The following SLC26A7 variants were observed in gnomAD, a reference collection of about 807,000 sequenced individuals.
SLC26A7 encodes solute carrier family 26 member 7.
In SLC26A7, 59 loss-of-function variants were observed where a neutral mutation model predicts 82.5. The observed-to-expected ratio is 0.72, with a 90% CI of 0.58 to 0.89. The LOEUF is 0.89. Among genes scored for constraint, SLC26A7 ranks in the 40% least tolerant of loss-of-function variants. The pLI is 0.00. For missense variants in SLC26A7, 820 were observed against 793.0 expected, an observed-to-expected ratio of 1.03 and a Z score of -0.41; for synonymous variants, 271 against 274.3, an observed-to-expected ratio of 0.99 and a Z score of 0.12.
intron 2 of SLC26A7, among the ~76,000 whole-genome samples, chr8:91,236,321 C>T (rs943912528): frequency 6.6e-6 from 1 of 152,108 alleles, no homozygotes; most frequent in African/African-American, 2.4e-5. Context: ...CCAAAGTTTT[C>T]AGGGAATAAT....
At chr8:91,380,447 A>G (rs1814638082) in intron 15 of SLC26A7, among the ~76,000 whole-genome samples, 1 of 152,148 alleles carries the variant, frequency 6.6e-6, no homozygotes, top group African/African-American at 2.4e-5. Context: ...GCATTTAACC[A>G]TCAGAAAGCA....
At chr8:91,372,202 T>A (rs1377299249) in intron 15 of SLC26A7, among the ~76,000 whole-genome samples, 2 of 151,992 alleles carry the variant, frequency 1.3e-5, no homozygotes, top group Non-Finnish European at 2.9e-5. Context: ...AATCTGTTGG[T>A]TGTTTCTTTT....
chr8:91,216,730 T>C (rs955192812), intron 1 of SLC26A7, among the ~76,000 whole-genome samples: 5 of 152,148 alleles, frequency 3.3e-5, no homozygotes, highest in African/African-American at 9.7e-5. Context: ...AGTTAGGGAA[T>C]CAATATTATA....
chr8:91,209,986 C>T (rs553515438), intron 1 of SLC26A7, among the ~76,000 whole-genome samples: 13 of 152,248 alleles, frequency 8.5e-5, no homozygotes, highest in African/African-American at 3.1e-4. Context: ...GCAGTTCATG[C>T]TATTGAGGAG....
intron 2 of SLC26A7, among the ~76,000 whole-genome samples, chr8:91,263,219 A>G (rs1811015201): frequency 6.6e-6 from 1 of 152,092 alleles, no homozygotes; most frequent in Non-Finnish European, 1.5e-5. Flanking sequence ...GTAAAAACTG[A>G]ACTATAAAGG....
chr8:91,394,590 T>C, intron 18 of SLC26A7: 1 of 1,187,180 alleles, frequency 8.4e-7, no homozygotes, highest in Non-Finnish European at 1.0e-6. Flanking sequence ...TTTTGAATTG[T>C]TTTGCCTTTC....
At chr8:91,390,143 C>A (rs1814917761) in intron 16 of SLC26A7, among the ~76,000 whole-genome samples, 1 of 149,862 alleles carries the variant, frequency 6.7e-6, no homozygotes, top group Admixed American at 6.6e-5. Context: ...CGGAGTCTCG[C>A]TCTATCGCCC....
chr8:91,292,732 G>GTT (rs201536369), intron 3 of SLC26A7, among the ~76,000 whole-genome samples: 1 of 149,572 alleles, frequency 6.7e-6, no homozygotes, highest in African/African-American at 2.5e-5. Flanking sequence ...TTTAAAATAG[G>GTT]TTTTTTTTTT....
intron 5 of SLC26A7, among the ~76,000 whole-genome samples, chr8:91,320,831 T>C (rs890680144): frequency 3.9e-5 from 6 of 152,238 alleles, no homozygotes; most frequent in Non-Finnish European, 8.8e-5. Context: ...ACAATTGTTA[T>C]ATCCTTTCAG....
chr8:91,368,090 G>A (rs1334059015), intron 14 of SLC26A7, among the ~76,000 whole-genome samples: 2 of 152,166 alleles, frequency 1.3e-5, no homozygotes, highest in Non-Finnish European at 2.9e-5. Flanking sequence ...TAAGCCAGAT[G>A]GGAGATCCTT....
intron 18 of SLC26A7, chr8:91,394,765 G>T: frequency 9.3e-7 from 1 of 1,073,820 alleles, no homozygotes; most frequent in South Asian, 2.7e-5. Flanking sequence ...TTACTATGTT[G>T]TTTAACTGAA....
chr8:91,236,577 A>AAAC (rs71266171), intron 2 of SLC26A7, among the ~76,000 whole-genome samples: 2 of 149,208 alleles, frequency 1.3e-5, no homozygotes, highest in Non-Finnish European at 3.0e-5. Context: ...TAAAAAAAAA[A>AAAC]CTCACAAATT....
chr8:91,392,622 T>C (rs1039380894), intron 16 of SLC26A7, among the ~76,000 whole-genome samples: 1 of 152,328 alleles, frequency 6.6e-6, no homozygotes, highest in Middle Eastern at 3.4e-3. Context: ...CAGCCCTGCA[T>C]GCCTTCATGC....
intron 4 of SLC26A7, among the ~76,000 whole-genome samples, chr8:91,317,018 A>T (rs916330913): frequency 6.7e-6 from 1 of 149,132 alleles, no homozygotes; most frequent in Non-Finnish European, 1.5e-5. Flanking sequence ...AAAAAAAAAA[A>T]AAAGCCAGGC....
intron 2 of SLC26A7, among the ~76,000 whole-genome samples, chr8:91,232,608 G>A (rs1810324526): frequency 6.6e-6 from 1 of 152,192 alleles, no homozygotes; most frequent in African/African-American, 2.4e-5. Flanking sequence ...GTTTGATTTG[G>A]GGAAATCAGA....
rs1808565085 is a variant in SLC26A7, at chr8:91,396,089, G to C, written c.*992G>C. ...TTTTTCTTTTGTTAGAGGAGAGCTT[G>C]ATGTGATTATCTTCAAACCCACCAA... On this transcript the variant is annotated 3_prime_UTR_variant, in exon 19 of 19. Transcript: ENST00000276609. 6.6e-6 allele frequency: 1 copy of C among 151,888 alleles called. No individual in the cohort carries two copies. Among genetic ancestry groups the C allele is most frequent in the African/African-American group, 2.4e-5 (1 of 41,392 alleles). The allele number at this position is 151,888 out of a possible 1,614,324, so 9.4% of individuals were successfully genotyped here.
At chr8:91,347,358 C>A (rs955275929) in intron 9 of SLC26A7, among the ~76,000 whole-genome samples, 1 of 152,108 alleles carries the variant, frequency 6.6e-6, no homozygotes, top group Non-Finnish European at 1.5e-5. Context: ...TTAAATTTTC[C>A]AGTAGCCACA....
At chr8:91,249,951 T>C (rs2130695797) in intron 2 of SLC26A7, 107 bp downstream of exon 2, 1 of 807,462 alleles carries the variant, frequency 1.2e-6, no homozygotes, top group East Asian at 3.2e-5. Context: ...AATAAATGGA[T>C]ATTAGCTGTG....
At chr8:91,316,435 G>T (rs1392486940) in intron 4 of SLC26A7, among the ~76,000 whole-genome samples, 1 of 130,072 alleles carries the variant, frequency 7.7e-6, no homozygotes, top group African/African-American at 3.0e-5. Flanking sequence ...GGAACTCGCT[G>T]CCACACTCAA....
Sources: allele counts gnomAD v4.1 joint callset (sites outside exome capture counted in the v4.1 genomes callset), GRCh38; gene constraint gnomAD v4.1.1; transcripts MANE v1.5; gene names NCBI Gene and HGNC (gene_info 2026-07-23, HGNC 2026-07-21).